Variants in TOM1L1 observed in about 807,000 individuals in gnomAD.
TOM1L1 encodes the protein target of myb1 like 1 membrane trafficking protein, also known as TOM1-like protein 1.
A neutral mutation model predicts 63.4 loss-of-function variants in TOM1L1; 64 were observed. The observed-to-expected ratio is 1.01, with a 90% CI of 0.83 to 1.24. The LOEUF is 1.24. Among genes scored for constraint, TOM1L1 ranks in the 50% most tolerant of loss-of-function variants. TOM1L1 has a pLI of 0.00. For synonymous variants in TOM1L1, 166 were observed against 194.4 expected (o/e 0.85, Z 1.22); for missense variants, 536 against 567.0 (o/e 0.95, Z 0.55).
At chr17:54,954,010 T>G (rs1373137417) in intron 14 of TOM1L1, 2 of 152,222 alleles carry the variant, frequency 1.3e-5, no homozygotes, top group African/African-American at 2.4e-5. Flanking sequence ...GGGACTGGCT[T>G]GCTTCCCTCA....
At chr17:54,928,331 A>G (rs772821428) in intron 7 of TOM1L1, among the ~76,000 whole-genome samples, 4 of 151,884 alleles carry the variant, frequency 2.6e-5, no homozygotes, top group Non-Finnish European at 5.9e-5. Flanking sequence ...ACCTTACAAG[A>G]TAGCTGTTCT....
rs1227758379 is a variant in TOM1L1 at position 54,949,563 on chromosome 17, C to G, written c.1228C>G (p.Gln410Glu). 1 of 1,613,994 alleles carries G rather than the reference C, an allele frequency of 6.2e-7. No homozygotes were observed. The highest frequency in any genetic ancestry group is 1.3e-5 in the African/African-American group (1 of 75,016). The change falls in exon 13 of 16, where the codon CAA becomes GAA. Residue 410 changes from glutamine (Q) to glutamate (E), a missense_variant. Gln to Glu is a conservative substitution (Grantham distance 29). Coordinates refer to ENST00000575882, the MANE Select transcript of TOM1L1 (RefSeq NM_005486.3). ...NSVFLQPVSL[Q>E]TIAAAPSNQS... Reference sequence around the variant, plus strand: ...AGTGTTTCTACAGCCAGTTAGTCTACAAACCATTGCAGCAGCACCATCAAA... The same window carrying G: ...AGTGTTTCTACAGCCAGTTAGTCTAGAAACCATTGCAGCAGCACCATCAAA...
intron 14 of TOM1L1, chr17:54,952,536 G>T (rs910015939): frequency 8.5e-6 from 1 of 116,976 alleles, no homozygotes; most frequent in African/African-American, 3.5e-5. Flanking sequence ...GCAACAGAGC[G>T]AGACTGTCTC....
chr17:54,944,550 TC>T (rs1391404637), intron 11 of TOM1L1, among the ~76,000 whole-genome samples: 4 of 152,228 alleles, frequency 2.6e-5, no homozygotes, highest in African/African-American at 9.7e-5. Flanking sequence ...TTCCCTTCTC[TC>T]TGAAGAATTT....
In TOM1L1 at chr17:54,914,693, T is replaced by C; in HGVS notation, c.553T>C (p.Ser185Pro). The C allele has an allele frequency of 1.2e-6, 2 of 1,614,034 alleles. No individual in the cohort carries two copies. Among genetic ancestry groups the C allele is most frequent in the Non-Finnish European group, 1.7e-6 (2 of 1,179,922 alleles). ...ATCTGTCCCTACTGCACCAGCTCTTTCTTCTGTAATTGCTCCAAAGAACTC... is the reference window on the plus strand; with the variant it reads ...ATCTGTCCCTACTGCACCAGCTCTTCCTTCTGTAATTGCTCCAAAGAACTC... ...PTSVPTAPAL[S>P]SVIAPKNSTV... Residue 185 changes from serine to proline, a missense_variant, in exon 6 of 16, where the codon TCT becomes CCT. Physicochemically the swap from Ser to Pro is moderately conservative, Grantham distance 74 (BLOSUM62 -1). Coordinates refer to ENST00000575882, the MANE Select transcript of TOM1L1 (RefSeq NM_005486.3).
At chr17:54,952,967 A>G (rs918779780) in intron 14 of TOM1L1, 2 of 152,254 alleles carry the variant, frequency 1.3e-5, no homozygotes, top group East Asian at 3.8e-4. Context: ...TTCATGGACC[A>G]GAGGCTCCAA....
At chr17:54,949,808 G>A (rs1406400789) in intron 13 of TOM1L1, among the ~76,000 whole-genome samples, 185 bp downstream of exon 13, 1 of 152,314 alleles carries the variant, frequency 6.6e-6, no homozygotes, top group East Asian at 1.9e-4. Flanking sequence ...AAAAATGCTT[G>A]TGTTAAACTG....
chr17:54,918,558 G>C (rs1199682167), intron 7 of TOM1L1, among the ~76,000 whole-genome samples: 2 of 152,196 alleles, frequency 1.3e-5, no homozygotes, highest in Admixed American at 1.3e-4. Flanking sequence ...GGCTTAACCA[G>C]ACTGGCAGAG....
At chr17:54,959,739 T>C (rs1386225051) in intron 14 of TOM1L1, among the ~76,000 whole-genome samples, 1 of 151,932 alleles carries the variant, frequency 6.6e-6, no homozygotes, top group Non-Finnish European at 1.5e-5. Context: ...GACCTCAGCT[T>C]CCTGAGTACC....
Position 54,961,554 on chromosome 17 carries a change from C to T in TOM1L1, c.*321C>T, listed in dbSNP as rs138242114. The T allele has an allele frequency of 2.6e-4, 347 of 1,358,904 alleles. 1 individual carries two copies. In the African/African-American group the frequency reaches 4.4e-3, roughly 17 times the overall value. The allele number at this position is 1,358,904 out of a possible 1,614,324, so 84.2% of individuals were successfully genotyped here. A position where few individuals can be genotyped will look rare whatever the true frequency, so the allele number is the denominator to read the frequency against. ...CACAGGCCTTCCTACATTTAGAAAT[C>T]GTCACACAGCTGTGATAAGAGTAGA... On this transcript the variant is annotated 3_prime_UTR_variant, in exon 16 of 16. Transcript: ENST00000575882.
At chr17:54,917,327 C>A (rs2048607142) in intron 7 of TOM1L1, 2 of 152,032 alleles carry the variant, frequency 1.3e-5, no homozygotes, top group African/African-American at 4.8e-5. Context: ...TTCTTTTATA[C>A]TTTTCATTTC....
intron 14 of TOM1L1, chr17:54,954,528 G>C (rs35573927): frequency 0.23 from 34,774 of 152,138 alleles, 4,455 homozygotes; most frequent in South Asian, 0.3. Context: ...AGAGTTTGGA[G>C]GGCCTGGCAA....
chr17:54,946,713 A>T (rs1420630531), intron 11 of TOM1L1, among the ~76,000 whole-genome samples: 2 of 152,218 alleles, frequency 1.3e-5, no homozygotes, highest in Non-Finnish European at 2.9e-5. Flanking sequence ...CCTGGGGTTC[A>T]GACTGCATTG....
intron 12 of TOM1L1, among the ~76,000 whole-genome samples, chr17:54,947,749 T>C (rs1232673978): frequency 6.6e-6 from 1 of 152,226 alleles, no homozygotes; most frequent in African/African-American, 2.4e-5. Flanking sequence ...CTTCCTCCTC[T>C]ACTGACCTTT....
In TOM1L1 at chr17:54,909,127, C is replaced by T. The variant is rs575013514; in HGVS notation, c.223-3539C>T. Among the ~76,000 whole-genome samples the T allele has an allele frequency of 3.3e-4, 50 of 152,236 alleles. 1 individual carries two copies. The highest frequency in any genetic ancestry group is 1.1e-3 in the African/African-American group (46 of 41,542). On this transcript the variant is annotated intron_variant, in intron 3 of 15. Transcript: ENST00000575882. ...TACAAAAACTAGCCAGTCATGGTGG[C>T]ATGTGACTGTAATCCCAGCTACTCG... is the stretch of plus-strand genomic sequence containing the variant.
chr17:54,961,189 G>A lies in TOM1L1; in HGVS notation c.*2-46G>A, dbSNP rs1172980017. 4.0e-6 allele frequency: 5 copies of A among 1,256,314 alleles called. No homozygotes were observed. In the Admixed American group the frequency reaches 8.0e-5, roughly 20 times the overall value. The allele number at this position is 1,256,314 out of a possible 1,614,324, so 77.8% of individuals were successfully genotyped here. On this transcript the variant is annotated intron_variant, in intron 15 of 15. Coordinates refer to ENST00000575882, the MANE Select transcript of TOM1L1 (RefSeq NM_005486.3). ...AGAGAGTTATCAAGGAATGGGGAAA[G>A]AGAAGGACAGGATGAATACTGGCCA...
In TOM1L1 at chr17:54,923,556, A is replaced by T. The variant is rs528594782; in HGVS notation, c.721-6517A>T. ...TTTAAATTAATTATTTTATTTATTTATTTTTTTGAGATGGAGTCTTGCTCT... is the reference window on the plus strand; with the variant it reads ...TTTAAATTAATTATTTTATTTATTTTTTTTTTTGAGATGGAGTCTTGCTCT... On this transcript the variant is annotated intron_variant, in intron 7 of 15. Transcript: ENST00000575882. 1.5e-3 allele frequency among the ~76,000 whole-genome samples: 225 copies of T among 151,286 alleles called. 1 individual carries two copies. The highest frequency in any genetic ancestry group is 0.012 in the Admixed American group (185 of 15,196).
chr17:54,905,709 C>A, intron 3 of TOM1L1, 142 bp downstream of exon 3: 1 of 554,992 alleles, frequency 1.8e-6, no homozygotes, highest in Non-Finnish European at 3.2e-6. Context: ...TGACTTAAAA[C>A]TCTTCATTTA....
chr17:54,939,309 G>A (rs980408948), intron 11 of TOM1L1, among the ~76,000 whole-genome samples: 1 of 152,216 alleles, frequency 6.6e-6, no homozygotes, highest in Admixed American at 6.5e-5. Context: ...GGGAGGTAGA[G>A]GTTGCAGTGC....
Sources: gnomAD v4.1 joint callset for allele counts (sites outside exome capture counted in the v4.1 genomes callset) on GRCh38, gnomAD v4.1.1 for gene constraint, MANE v1.5 for transcripts, NCBI Gene and HGNC (gene_info 2026-07-23, HGNC 2026-07-21) for gene names.